ADGRA3: variants seen among roughly 807,000 people sequenced by gnomAD.
The protein encoded by ADGRA3 is adhesion G protein-coupled receptor A3.
In ADGRA3, 56 loss-of-function variants were observed where a neutral mutation model predicts 119.8. The ratio of observed to expected loss-of-function variants is 0.47; its 90% CI spans 0.38 to 0.58. The LOEUF (loss-of-function observed/expected upper bound fraction) is 0.58, where lower values mean the gene tolerates loss of function less well. Among genes scored for constraint, ADGRA3 ranks in the 20% least tolerant of loss-of-function variants. The pLI is 0.00. For synonymous variants in ADGRA3, 607 were observed against 623.8 expected (o/e 0.97, Z 0.40); for missense variants, 1,516 against 1,649.0 (o/e 0.92, Z 1.40).
chr4:22,405,722 G>A (rs1219269896), intron 14 of ADGRA3, among the ~76,000 whole-genome samples: 1 of 151,948 alleles, frequency 6.6e-6, no homozygotes, highest in Non-Finnish European at 1.5e-5. Flanking sequence ...TTCCACAGGG[G>A]CATTTTGTTC....
intron 14 of ADGRA3, among the ~76,000 whole-genome samples, chr4:22,409,700 T>G (rs1715109351): frequency 6.6e-6 from 1 of 152,168 alleles, no homozygotes; most frequent in Non-Finnish European, 1.5e-5. Context: ...TTAAGATACA[T>G]TATCACCATC....
At position 22,483,537 on chromosome 4, in the gene ADGRA3, T is replaced by C. The variant is rs146307022; in HGVS notation, c.258-9694A>G. 2.7e-3 allele frequency among the ~76,000 whole-genome samples: 415 copies of C among 152,320 alleles called. 2 individuals carry two copies. Among genetic ancestry groups the C allele is most frequent in the African/African-American group, 9.7e-3 (402 of 41,578 alleles). ...CTAGTACTCTTCCTTCTCTTCATAC[T>C]GCAATAAAAGTGTCCTAAGATACTT... On this transcript the variant is annotated intron_variant, in intron 1 of 18. Transcript: ENST00000334304.
At chr4:22,477,799 G>A (rs1022863081) in intron 1 of ADGRA3, 18 of 152,132 alleles carry the variant, frequency 1.2e-4, no homozygotes, top group African/African-American at 4.1e-4. Context: ...AATGTATTCA[G>A]TCTACACATT....
intron 2 of ADGRA3, among the ~76,000 whole-genome samples, chr4:22,467,649 C>T (rs980928261): frequency 8.5e-5 from 13 of 152,192 alleles, no homozygotes; most frequent in South Asian, 2.1e-4. Flanking sequence ...TAAAGATGTA[C>T]GTTTTCTTTA....
In ADGRA3 at chr4:22,392,601, T is replaced by A; in HGVS notation, c.2571A>T (p.Lys857Asn). ...ARNIYKQVTK[K>N]AKRCQDPDEP... ...CATCAGGATCCTGGCATCTTTTAGC[T>A]TTTTTAGTGACTTGTTTGTAGATAT... The change falls in exon 17 of 19, where the codon AAA becomes AAT. Residue 857 changes from lysine (K) to asparagine (N), a missense_variant. Physicochemically the swap from Lys to Asn is moderately conservative, Grantham distance 94. Coordinates refer to ENST00000334304, the MANE Select transcript of ADGRA3 (RefSeq NM_145290.4). 1 of 1,613,982 alleles carries A rather than the reference T, an allele frequency of 6.2e-7. No individual in the cohort carries two copies. The highest frequency in any genetic ancestry group is 2.2e-5 in the East Asian group (1 of 44,876).
intron 1 of ADGRA3, among the ~76,000 whole-genome samples, chr4:22,500,195 A>C (rs189499127): frequency 7.2e-4 from 102 of 142,148 alleles, no homozygotes; most frequent in African/African-American, 2.5e-3. Context: ...TGTTCTACAA[A>C]GGCTTACCCC....
At chr4:22,486,525 C>G (rs145700257) in intron 1 of ADGRA3, among the ~76,000 whole-genome samples, 1 of 152,316 alleles carries the variant, frequency 6.6e-6, no homozygotes, top group Non-Finnish European at 1.5e-5. Context: ...CTCTGTAAAA[C>G]AGTCAGATGT....
intron 11 of ADGRA3, 37 bp downstream of exon 11, chr4:22,424,154 T>A: frequency 6.4e-7 from 1 of 1,563,976 alleles, no homozygotes; most frequent in East Asian, 2.3e-5. Context: ...TGAAATGCAC[T>A]TTTTTTCTCA....
rs1039661126 is a variant in ADGRA3, at chr4:22,515,573, G to A, written c.212C>T (p.Ala71Val). Residue 71 changes from alanine (A) to valine (V), a missense_variant, in exon 1 of 19, where the codon GCG becomes GTG. Coordinates refer to ENST00000334304, the MANE Select transcript of ADGRA3 (RefSeq NM_145290.4). ...GKVVCSSLELAQVLPPDTLPN... is the reference protein window; with the variant it reads ...GKVVCSSLELVQVLPPDTLPN... ...CAGAGTATCTGGGGGCAGGACCTGC[G>A]CGAGTTCCAGGCTGCTGCACACCAC... 1 of 1,602,902 alleles carries A rather than the reference G, an allele frequency of 6.2e-7. No individual in the cohort carries two copies. The highest frequency in any genetic ancestry group is 1.4e-5 in the African/African-American group (1 of 74,020).
Position 22,387,376 on chromosome 4 carries a change from G to A in ADGRA3, c.*329C>T, listed in dbSNP as rs188859635. ...TTGTAAAATATAAAAATAACAGATC[G>A]ACACAATAACAAACACCTATTTATT... On this transcript the variant is annotated 3_prime_UTR_variant, in exon 19 of 19. Coordinates refer to ENST00000334304, the MANE Select transcript of ADGRA3 (RefSeq NM_145290.4). 19 of 203,132 alleles carry A rather than the reference G, an allele frequency of 9.4e-5. No individual in the cohort carries two copies. The highest frequency in any genetic ancestry group is 5.9e-4 in the Admixed American group (11 of 18,594). 12.6% of individuals were successfully genotyped at this position (203,132 alleles called of 1,614,324 possible).
At chr4:22,515,134 A>C (rs1174306132) in intron 1 of ADGRA3, among the ~76,000 whole-genome samples, 1 of 152,222 alleles carries the variant, frequency 6.6e-6, no homozygotes, top group Non-Finnish European at 1.5e-5. Flanking sequence ...AAAGAAGCAG[A>C]AGGACTGGCG....
intron 1 of ADGRA3, among the ~76,000 whole-genome samples, chr4:22,499,946 A>C (rs1718992232): frequency 6.6e-6 from 1 of 152,146 alleles, no homozygotes; most frequent in South Asian, 2.1e-4. Flanking sequence ...TTTTTTCAGA[A>C]TTTGGAATAT....
chr4:22,414,410 C>CA, intron 12 of ADGRA3: 1 of 462,780 alleles, frequency 2.2e-6, no homozygotes, highest in Non-Finnish European at 3.8e-6. Flanking sequence ...GCTGACTGAT[C>CA]ACTGAATTTT....
intron 1 of ADGRA3, among the ~76,000 whole-genome samples, chr4:22,480,180 G>A (rs982249442): frequency 3.9e-5 from 6 of 152,020 alleles, no homozygotes; most frequent in South Asian, 2.1e-4. Flanking sequence ...AAGAAAAATC[G>A]GCAAAAGGCT....
At chr4:22,500,817 T>C (rs1719023244) in intron 1 of ADGRA3, among the ~76,000 whole-genome samples, 1 of 152,146 alleles carries the variant, frequency 6.6e-6, no homozygotes, top group Non-Finnish European at 1.5e-5. Context: ...TCCTCCCTAA[T>C]CCACTTTGGG....
Position 22,387,811 on chromosome 4 carries a change from A to G in ADGRA3, c.3860T>C (p.Ile1287Thr). The change falls in exon 19 of 19, where the codon ATT becomes ACT. Residue 1287 changes from isoleucine to threonine, a missense_variant. By Grantham distance (89) the Ile-to-Thr change is moderately conservative (BLOSUM62 -1). Coordinates refer to ENST00000334304, the MANE Select transcript of ADGRA3 (RefSeq NM_145290.4). ...QQKSYGLNLAIQNGPIKSNGQ... is the reference protein window; with the variant it reads ...QQKSYGLNLATQNGPIKSNGQ... ...ATTGCTTTTAATTGGTCCATTCTGA[A>G]TGGCCAAGTTGAGGCCATAAGATTT... 1 of 1,614,154 alleles carries G rather than the reference A, an allele frequency of 6.2e-7. No homozygotes were observed. Among genetic ancestry groups the G allele is most frequent in the South Asian group, 1.1e-5 (1 of 91,086 alleles).
At chr4:22,476,187 G>A (rs1268874088) in intron 1 of ADGRA3, among the ~76,000 whole-genome samples, 1 of 152,098 alleles carries the variant, frequency 6.6e-6, no homozygotes, top group Non-Finnish European at 1.5e-5. Context: ...AGGCAAAACA[G>A]AATTGAGACT....
At chr4:22,456,194 C>T (rs943883983) in intron 3 of ADGRA3, among the ~76,000 whole-genome samples, 2 of 151,920 alleles carry the variant, frequency 1.3e-5, no homozygotes, top group East Asian at 1.9e-4. Context: ...GTTTTTTTTC[C>T]TTGACTATTT....
In ADGRA3 at chr4:22,460,936, G is replaced by A. The variant is rs545146631; in HGVS notation, c.401+801C>T. On this transcript the variant is annotated intron_variant, in intron 3 of 18. Transcript: ENST00000334304. ...GTCCTCATGGCTTTTGTGTAGAGCCGCTTCTCAAATGTGGGCCTGCTCAGA... is the reference window on the plus strand; with the variant it reads ...GTCCTCATGGCTTTTGTGTAGAGCCACTTCTCAAATGTGGGCCTGCTCAGA... 8.5e-4 allele frequency among the ~76,000 whole-genome samples: 130 copies of A among 152,118 alleles called. 1 individual carries two copies. The South Asian group carries it at 8.7e-3, about 10-fold the overall frequency.
Sources: allele counts gnomAD v4.1 joint callset (sites outside exome capture counted in the v4.1 genomes callset), GRCh38; gene constraint gnomAD v4.1.1; transcripts MANE v1.5; gene names NCBI Gene and HGNC (gene_info 2026-07-23, HGNC 2026-07-21).